Variants in COG5 observed in about 807,000 individuals in gnomAD.
The protein encoded by COG5 is component of oligomeric golgi complex 5, also known as conserved oligomeric Golgi complex subunit 5.
A neutral mutation model predicts 110.4 loss-of-function variants in COG5; 86 were observed. The observed-to-expected ratio is 0.78, with a 90% CI of 0.65 to 0.93. COG5 has a LOEUF of 0.93. COG5 is among the 40% of genes least tolerant of loss of function. The pLI is 0.00. For synonymous variants in COG5, 360 were observed against 334.6 expected, an observed-to-expected ratio of 1.08 and a Z score of -0.83; for missense variants, 1,077 against 987.0, an observed-to-expected ratio of 1.09 and a Z score of -1.22.
At chr7:107,429,089 G>C (rs1049150886) in intron 6 of COG5, among the ~76,000 whole-genome samples, 1 of 152,104 alleles carries the variant, frequency 6.6e-6, no homozygotes, top group East Asian at 1.9e-4. Context: ...CAAACCTATT[G>C]TACAATGAAA....
intron 19 of COG5, among the ~76,000 whole-genome samples, chr7:107,211,654 T>G (rs1413352749): frequency 2.6e-5 from 4 of 152,260 alleles, no homozygotes; most frequent in Non-Finnish European, 5.9e-5. Flanking sequence ...ATGTGGTATA[T>G]GCAAACATTT....
intron 1 of COG5, among the ~76,000 whole-genome samples, chr7:107,559,742 T>G (rs549538387): frequency 1.4e-4 from 21 of 152,308 alleles, no homozygotes; most frequent in African/African-American, 5.1e-4. Flanking sequence ...CTTCTCAGAA[T>G]TAAGAGTCCT....
intron 11 of COG5, among the ~76,000 whole-genome samples, chr7:107,322,460 T>C (rs887793137): frequency 4.6e-5 from 7 of 152,190 alleles, no homozygotes; most frequent in Admixed American, 4.6e-4. Context: ...TGGTATTTTG[T>C]TGTAGCAGCC....
chr7:107,414,321 C>T (rs551097942), intron 6 of COG5, among the ~76,000 whole-genome samples: 66 of 152,236 alleles, frequency 4.3e-4, no homozygotes, highest in African/African-American at 1.6e-3. Flanking sequence ...TCTCTTGGAT[C>T]CCTTCATATA....
chr7:107,531,757 C>CTCAAA (rs1000175483), intron 5 of COG5, among the ~76,000 whole-genome samples: 1 of 150,342 alleles, frequency 6.7e-6, no homozygotes, highest in Non-Finnish European at 1.5e-5. Context: ...CTTATTGATG[C>CTCAAA]TCAAAGTGTT....
chr7:107,432,622 C>G (rs1407787564), intron 6 of COG5, among the ~76,000 whole-genome samples: 2 of 152,066 alleles, frequency 1.3e-5, no homozygotes, highest in Non-Finnish European at 2.9e-5. Flanking sequence ...ATAAGAAAAG[C>G]TGCCTCTACA....
At chr7:107,280,594 A>G (rs1388678902) in intron 14 of COG5, among the ~76,000 whole-genome samples, 2 of 151,988 alleles carry the variant, frequency 1.3e-5, no homozygotes, top group Non-Finnish European at 2.9e-5. Context: ...GTCTAAAATT[A>G]GTATATCAAT....
intron 6 of COG5, among the ~76,000 whole-genome samples, chr7:107,517,559 T>G (rs1200319673): frequency 6.6e-6 from 1 of 151,898 alleles, no homozygotes; most frequent in Non-Finnish European, 1.5e-5. Flanking sequence ...TTCTTCACGG[T>G]TGAATTGAAG....
chr7:107,353,153 C>T (rs147056696), intron 10 of COG5, among the ~76,000 whole-genome samples: 3,409 of 152,190 alleles, frequency 0.022, 60 homozygotes, highest in Non-Finnish European at 0.032. Context: ...TGGCTGGGCG[C>T]GGTGGTTCAC....
At chr7:107,460,818 A>C (rs145648076) in intron 6 of COG5, among the ~76,000 whole-genome samples, 265 of 152,292 alleles carry the variant, frequency 1.7e-3, no homozygotes, top group African/African-American at 6.1e-3. Flanking sequence ...CAATGAGGAA[A>C]TATTAAAAAC....
At chr7:107,506,517 G>A (rs1799018184) in intron 6 of COG5, among the ~76,000 whole-genome samples, 1 of 152,156 alleles carries the variant, frequency 6.6e-6, no homozygotes, top group Non-Finnish European at 1.5e-5. Context: ...GTTCCAGAGA[G>A]GTGTATTAAC....
intron 14 of COG5, 82 bp downstream of exon 14, chr7:107,281,218 A>G (rs1345214718): frequency 2.2e-6 from 2 of 902,746 alleles, no homozygotes; most frequent in Non-Finnish European, 3.6e-6. Flanking sequence ...AGTCAATTCA[A>G]TATTTATGAT....
At chr7:107,548,563 T>A (rs928643234) in intron 3 of COG5, among the ~76,000 whole-genome samples, 6 of 152,182 alleles carry the variant, frequency 3.9e-5, no homozygotes, top group Non-Finnish European at 8.8e-5. Flanking sequence ...AACTGACTGC[T>A]TAATGGATAT....
chr7:107,274,207 T>C (rs188903921), intron 14 of COG5, among the ~76,000 whole-genome samples: 60 of 152,232 alleles, frequency 3.9e-4, no homozygotes, highest in Non-Finnish European at 1.0e-4. Context: ...GGCAGGAGGA[T>C]TGCTTGAGCC....
At chr7:107,275,728 T>C (rs1448036648) in intron 14 of COG5, among the ~76,000 whole-genome samples, 1 of 151,944 alleles carries the variant, frequency 6.6e-6, no homozygotes, top group Non-Finnish European at 1.5e-5. Flanking sequence ...TTCACCATTT[T>C]GGTCAGGCTG....
intron 20 of COG5, 142 bp from the exon 21 acceptor site, chr7:107,210,747 T>C (rs766961856): frequency 4.0e-4 from 387 of 956,586 alleles, no homozygotes; most frequent in Non-Finnish European, 5.9e-4. Context: ...GAAGGGGGCA[T>C]AGGCCTTGGT....
intron 8 of COG5, among the ~76,000 whole-genome samples, chr7:107,363,704 C>A (rs887806606): frequency 1.3e-5 from 2 of 151,988 alleles, no homozygotes; most frequent in Non-Finnish European, 2.9e-5. Context: ...TGCATGTAAT[C>A]CCAGAACTTT....
intron 7 of COG5, among the ~76,000 whole-genome samples, chr7:107,387,873 T>C (rs1018161221): frequency 2.0e-5 from 3 of 152,182 alleles, no homozygotes; most frequent in Non-Finnish European, 2.9e-5. Flanking sequence ...CAGCCTTAAT[T>C]AGGTACATTC....
intron 5 of COG5, among the ~76,000 whole-genome samples, chr7:107,530,044 C>A (rs1371036832): frequency 6.6e-6 from 1 of 152,162 alleles, no homozygotes; most frequent in Non-Finnish European, 1.5e-5. Context: ...ATCCAGAATT[C>A]CCTAATCCTA....
Sources: allele counts gnomAD v4.1 joint callset (sites outside exome capture counted in the v4.1 genomes callset), GRCh38; gene constraint gnomAD v4.1.1; transcripts MANE v1.5; gene names NCBI Gene and HGNC (gene_info 2026-07-23, HGNC 2026-07-21).